Variants in SYNE2 observed in about 807,000 individuals in gnomAD.
The protein encoded by SYNE2 is nesprin-2.
In SYNE2, 431 loss-of-function variants were observed where a neutral mutation model predicts 856.3. The observed-to-expected ratio is 0.50, with a 90% CI of 0.47 to 0.55. The LOEUF is 0.55. Ranked by LOEUF, SYNE2 falls within the 20% of genes least tolerant of loss-of-function variation. The probability of loss-of-function intolerance (pLI) is 0.00; values close to 1 mark genes in which losing one functional copy is unlikely to be tolerated. For missense variants in SYNE2, 8,129 were observed against 8,023.2 expected, an observed-to-expected ratio of 1.01 and a Z score of -0.50; for synonymous variants, 2,923 against 2,872.3, an observed-to-expected ratio of 1.02 and a Z score of -0.56.
rs924651426 is a variant in SYNE2 at position 64,003,180 on chromosome 14, A to T, written c.4247A>T (p.Tyr1416Phe). The change falls in exon 30 of 116, where the codon TAT (tyrosine) becomes TTT (phenylalanine). Residue 1416 changes from tyrosine (Y) to phenylalanine (F), a missense_variant. By Grantham distance (22) the Tyr-to-Phe change is conservative (BLOSUM62 3). Transcript: ENST00000555002. ...FSIKLSETHG[Y>F]GVQEEFTEEN... ...ATAAAGTTATCTGAGACACATGGCTATGGGGTACAGGAGGAATTCACTGAG... is the reference window on the plus strand; with the variant it reads ...ATAAAGTTATCTGAGACACATGGCTTTGGGGTACAGGAGGAATTCACTGAG... 3 of 1,614,040 alleles carry T rather than the reference A, an allele frequency of 1.9e-6. No individual in the cohort carries two copies. Among genetic ancestry groups the T allele is most frequent in the East Asian group, 2.2e-5 (1 of 44,904 alleles).
intron 7 of SYNE2, among the ~76,000 whole-genome samples, chr14:63,954,328 A>T (rs955874964): frequency 6.6e-6 from 1 of 152,200 alleles, no homozygotes; most frequent in African/African-American, 2.4e-5. Context: ...ACTTAAGCCA[A>T]CAGATTTGGT....
At chr14:63,991,197 G>A in intron 21 of SYNE2, 82 bp downstream of exon 21, 1 of 1,338,268 alleles carries the variant, frequency 7.5e-7, no homozygotes, top group Non-Finnish European at 1.1e-6. Flanking sequence ...TTCCTTCACT[G>A]TAATTATATA....
At chr14:64,146,489 G>A (rs918423003) in intron 84 of SYNE2, among the ~76,000 whole-genome samples, 1 of 152,150 alleles carries the variant, frequency 6.6e-6, no homozygotes, top group African/African-American at 2.4e-5. Flanking sequence ...GGGGAAAAAT[G>A]TTCAAAGGGA....
chr14:64,020,125 T>G, intron 35 of SYNE2, 32 bp downstream of exon 35: 2 of 1,473,958 alleles, frequency 1.4e-6, no homozygotes, highest in South Asian at 2.3e-5. Flanking sequence ...TTTCAGTTAT[T>G]GAGGCTTCAG....
chr14:64,022,896 T>C, intron 38 of SYNE2, 33 bp downstream of exon 38: 1 of 1,184,092 alleles, frequency 8.4e-7, no homozygotes, highest in Non-Finnish European at 1.2e-6. Context: ...TAATAAAAAT[T>C]TTCAATACTA....
chr14:64,061,030 A>C (rs138876518), intron 49 of SYNE2, among the ~76,000 whole-genome samples: 37 of 152,306 alleles, frequency 2.4e-4, no homozygotes, highest in African/African-American at 8.7e-4. Flanking sequence ...CAGCAATTCA[A>C]GACTGCCTTT....
At position 64,125,169 on chromosome 14, in the gene SYNE2, C is replaced by G; in HGVS notation, c.13513C>G (p.Leu4505Val). The G allele has an allele frequency of 6.2e-7, 1 of 1,614,182 alleles. No individual in the cohort carries two copies. Residue 4505 changes from leucine to valine, a missense_variant, in exon 71 of 116, where the codon CTT becomes GTT. Around this residue, in one of 3 missense-constraint regions of SYNE2, gnomAD observed 5,410 missense variants for 5,284.8 expected, o/e 1.02. Coordinates refer to ENST00000555002, the MANE Select transcript of SYNE2 (RefSeq NM_182914.3). ...AGAACTGAAAACCTATACCACCCAA[C>G]TTGAAGACCTGCGCCAAGAAGCAAG... Reference protein sequence around the residue: ...TEELKTYTTQLEDLRQEASNL... With the variant: ...TEELKTYTTQVEDLRQEASNL...
chr14:63,919,972 GTT>G lies in SYNE2; in HGVS notation c.79+10763_79+10764del, dbSNP rs10673123. Reference sequence around the variant, plus strand: ...ATATCAGGCACATGATAAAAGGTAAGTTTTTTTTTTTTTTTTTTTAAGGTAAG... The same window carrying G: ...ATATCAGGCACATGATAAAAGGTAAGTTTTTTTTTTTTTTTTTAAGGTAAG... On this transcript the variant is annotated intron_variant, in intron 2 of 115. Coordinates refer to ENST00000555002, the MANE Select transcript of SYNE2 (RefSeq NM_182914.3). Among the ~76,000 whole-genome samples, 295 of 110,554 alleles carry G rather than the reference GTT, an allele frequency of 2.7e-3. 6 individuals are homozygous for G. The highest frequency in any genetic ancestry group is 5.0e-3 in the Middle Eastern group (1 of 200). 72.5% of individuals were successfully genotyped at this position (110,554 alleles called of 152,430 possible).
At chr14:63,984,794 T>C (rs1439746627) in intron 18 of SYNE2, among the ~76,000 whole-genome samples, 14 of 152,208 alleles carry the variant, frequency 9.2e-5, no homozygotes, top group Admixed American at 9.2e-4. Context: ...TAAGAATACC[T>C]ACTTAGAAAA....
chr14:63,914,105 C>T (rs1469908977), intron 2 of SYNE2, among the ~76,000 whole-genome samples: 1 of 152,194 alleles, frequency 6.6e-6, no homozygotes, highest in Non-Finnish European at 1.5e-5. Flanking sequence ...GTAATAGGTG[C>T]TTCCTTTTAT....
chr14:64,004,788 T>C (rs1330106705), intron 30 of SYNE2, among the ~76,000 whole-genome samples: 3 of 152,194 alleles, frequency 2.0e-5, no homozygotes, highest in Non-Finnish European at 4.4e-5. Context: ...TCAGGCTCAA[T>C]GATACTTTCA....
Position 63,997,147 on chromosome 14 carries a change from G to A in SYNE2, c.3141G>A (p.Thr1047=), listed in dbSNP as rs372376442. The A allele has an allele frequency of 9.5e-5, 153 of 1,613,700 alleles. No homozygotes were observed. The highest frequency in any genetic ancestry group is 1.5e-4 in the African/African-American group (11 of 74,922). Reference sequence around the variant, plus strand: ...CACTGCAGCCCACAGCGGGAGGCACGTCGAAAAACGAGTTAGTACTTCATA... The same window carrying A: ...CACTGCAGCCCACAGCGGGAGGCACATCGAAAAACGAGTTAGTACTTCATA... ...HMTLQPTAGG[T]SKNEGTITTS... The change falls in exon 24 of 116, where the codon ACG becomes ACA. Residue 1047 remains threonine, a synonymous_variant. Transcript: ENST00000555002.
intron 45 of SYNE2, among the ~76,000 whole-genome samples, chr14:64,039,557 A>T (rs1046986389): frequency 6.6e-6 from 1 of 152,248 alleles, no homozygotes; most frequent in African/African-American, 2.4e-5. Flanking sequence ...ATGTTTGAGA[A>T]AAAGCAACAT....
intron 61 of SYNE2, among the ~76,000 whole-genome samples, chr14:64,096,454 T>C (rs28493185): frequency 0.014 from 2,070 of 152,318 alleles, 38 homozygotes; most frequent in African/African-American, 0.047. Context: ...AGATGCTGCT[T>C]TGAGAGCAGC....
At chr14:63,762,119 T>C (rs903639183) in intron 1 of SYNE2, 2 of 445,414 alleles carry the variant, frequency 4.5e-6, no homozygotes, top group Admixed American at 2.5e-5. Flanking sequence ...GATCCTACGA[T>C]AGAAGATTCC....
intron 1 of SYNE2, among the ~76,000 whole-genome samples, chr14:63,904,371 G>C (rs1306341379): frequency 6.6e-6 from 1 of 152,154 alleles, no homozygotes; most frequent in African/African-American, 2.4e-5. Context: ...TGTTAACTCT[G>C]TTTTAAGTTC....
intron 1 of SYNE2, among the ~76,000 whole-genome samples, chr14:63,779,777 G>A (rs1376907692): frequency 6.6e-6 from 1 of 152,108 alleles, no homozygotes; most frequent in Non-Finnish European, 1.5e-5. Context: ...CAGGCGTGGT[G>A]CCACGTGCCT....
In SYNE2 at chr14:64,137,853, TTGG is replaced by T; in HGVS notation, c.14717_14719del (p.Val4906del). 1.2e-6 allele frequency: 2 copies of T among 1,614,064 alleles called. No individual in the cohort carries two copies. The highest frequency in any genetic ancestry group is 1.6e-4 in the Middle Eastern group (1 of 6,062). On this transcript the variant is annotated inframe_deletion, in exon 79 of 116. Transcript: ENST00000555002. ...CCAAACTCTGAACGAAGGCAAACAG[TTGG>T]TGGCGTCTGTGAGCTGTCCTGAATT...
intron 58 of SYNE2, among the ~76,000 whole-genome samples, chr14:64,088,127 G>A (rs576635505): frequency 2.6e-5 from 4 of 152,294 alleles, no homozygotes; most frequent in African/African-American, 9.6e-5. Flanking sequence ...AGGTTGCAGT[G>A]AGCCAAGATT....
Sources: allele counts gnomAD v4.1 joint callset (sites outside exome capture counted in the v4.1 genomes callset), GRCh38; gene constraint gnomAD v4.1.1; regional missense constraint gnomAD v4.1.1; transcripts MANE v1.5; gene names NCBI Gene and HGNC (gene_info 2026-07-23, HGNC 2026-07-21).